Variants in PRDM16 observed in about 807,000 individuals in gnomAD.
PRDM16 encodes the protein histone-lysine N-methyltransferase PRDM16.
A neutral mutation model predicts 110.6 loss-of-function variants in PRDM16; 23 were observed. The observed-to-expected ratio is 0.21, with a 90% CI of 0.15 to 0.29. The LOEUF is 0.29. Ranked by LOEUF, PRDM16 falls within the 10% of genes least tolerant of loss-of-function variation. PRDM16 has a pLI of 1.00. For missense variants in PRDM16, 1,615 were observed against 1,794.3 expected, an observed-to-expected ratio of 0.90 and a Z score of 1.81; for synonymous variants, 799 against 781.8, an observed-to-expected ratio of 1.02 and a Z score of -0.37.
intron 1 of PRDM16, among the ~76,000 whole-genome samples, chr1:3,096,630 A>G (rs1642406301): frequency 6.6e-6 from 1 of 151,908 alleles, no homozygotes; most frequent in Non-Finnish European, 1.5e-5. Flanking sequence ...GTCGTGAGGG[A>G]GGGACGCCAG....
chr1:3,181,131 T>TAC (rs1367115623), intron 1 of PRDM16, among the ~76,000 whole-genome samples: 19 of 119,232 alleles, frequency 1.6e-4, no homozygotes, highest in South Asian at 3.3e-4. Context: ...CACGCAGTCT[T>TAC]ACACGCGGTC....
chr1:3,398,273 A>T (rs1643416730), intron 5 of PRDM16, among the ~76,000 whole-genome samples: 2 of 152,114 alleles, frequency 1.3e-5, no homozygotes, highest in Non-Finnish European at 2.9e-5. Flanking sequence ...CCCTGATATT[A>T]AATAACCTGG....
intron 1 of PRDM16, among the ~76,000 whole-genome samples, chr1:3,125,895 C>A (rs923017918): frequency 9.9e-5 from 15 of 152,206 alleles, no homozygotes; most frequent in Non-Finnish European, 1.9e-4. Flanking sequence ...ATTGCTGTCA[C>A]GGGGCTGTTA....
intron 12 of PRDM16, among the ~76,000 whole-genome samples, chr1:3,423,335 C>T (rs1054257660): frequency 6.6e-6 from 1 of 152,204 alleles, no homozygotes; most frequent in Non-Finnish European, 1.5e-5. Flanking sequence ...GAATGCTGAG[C>T]TCCTGGGCCC....
chr1:3,274,642 C>T (rs1270051492), intron 3 of PRDM16, among the ~76,000 whole-genome samples: 3 of 152,232 alleles, frequency 2.0e-5, no homozygotes, highest in Non-Finnish European at 2.9e-5. Flanking sequence ...GGCTCTGTCA[C>T]GTCGGCTCCT....
In PRDM16 at chr1:3,370,474, A is replaced by G. The variant is rs1642886433; in HGVS notation, c.439-14678A>G. 1.3e-5 allele frequency among the ~76,000 whole-genome samples: 2 copies of G among 152,130 alleles called. No individual in the cohort carries two copies. The highest frequency in any genetic ancestry group is 4.1e-4 in the South Asian group (2 of 4,824). On this transcript the variant is annotated intron_variant, in intron 3 of 16. Coordinates refer to ENST00000270722, the MANE Select transcript of PRDM16 (RefSeq NM_022114.4). This position sits in a 1 kb window ranked among gnomAD's most constrained non-coding sequence, Gnocchi z 4.8. ...TCATTTGTTCCCCAAGCATGCATTG[A>G]GCACTCATGGTTTGCCTGGCTCTGG...
At chr1:3,348,371 TG>T (rs1570113241) in intron 3 of PRDM16, among the ~76,000 whole-genome samples, 1 of 152,334 alleles carries the variant, frequency 6.6e-6, no homozygotes, top group East Asian at 1.9e-4. Flanking sequence ...AGTATTCGTG[TG>T]CTAGGGCCCA....
chr1:3,411,652 C>T lies in PRDM16; in HGVS notation c.1455C>T (p.Phe485=), dbSNP rs759286734. The change falls in exon 9 of 17, where the codon TTC becomes TTT. Residue 485 remains phenylalanine (F), a synonymous_variant. Transcript: ENST00000270722. ...SPSLNHASLG[F]NEYFPSRPHP... is the part of the protein sequence containing the mutation. ...GCCTCAATCACGCCAGCCTGGGCTT[C>T]AACGAGTACTTTCCCTCCAGGCCGC... The T allele has an allele frequency of 1.2e-6, 2 of 1,613,542 alleles. No homozygotes were observed. The highest frequency in any genetic ancestry group is 1.7e-6 in the Non-Finnish European group (2 of 1,179,622).
At chr1:3,300,153 C>T (rs374008214) in intron 3 of PRDM16, among the ~76,000 whole-genome samples, 137 of 70,296 alleles carry the variant, frequency 1.9e-3, no homozygotes, top group East Asian at 7.6e-3. Context: ...ATGCTGTGGC[C>T]GTGATGTTTC....
chr1:3,200,518 A>G (rs1268817371), intron 2 of PRDM16, among the ~76,000 whole-genome samples: 2 of 151,780 alleles, frequency 1.3e-5, no homozygotes, highest in Admixed American at 6.6e-5. Flanking sequence ...AATTTTTTGT[A>G]TTTTTAGTAG....
chr1:3,356,384 C>T (rs563748636), intron 3 of PRDM16, among the ~76,000 whole-genome samples: 3 of 152,278 alleles, frequency 2.0e-5, no homozygotes, highest in East Asian at 3.9e-4. Flanking sequence ...TCTCATCAGG[C>T]GGAGGGAGGT....
At chr1:3,095,323 A>ACAAGGCC (rs1557442056) in intron 1 of PRDM16, among the ~76,000 whole-genome samples, 1 of 151,256 alleles carries the variant, frequency 6.6e-6, no homozygotes, top group African/African-American at 2.5e-5. Flanking sequence ...AAAGTGGAGT[A>ACAAGGCC]GCAAACAACT....
intron 1 of PRDM16, among the ~76,000 whole-genome samples, chr1:3,170,732 T>G (rs935256948): frequency 6.6e-6 from 1 of 151,996 alleles, no homozygotes; most frequent in Non-Finnish European, 1.5e-5. Flanking sequence ...CACCCACCAT[T>G]GGCAACAAAG....
At chr1:3,293,866 C>T (rs940095649) in intron 3 of PRDM16, among the ~76,000 whole-genome samples, 16 of 152,160 alleles carry the variant, frequency 1.1e-4, no homozygotes, top group South Asian at 2.1e-4. Context: ...GGCCCGGCCC[C>T]GGCAGGTGTC....
intron 3 of PRDM16, among the ~76,000 whole-genome samples, chr1:3,284,047 G>T (rs921094566): frequency 2.6e-5 from 4 of 152,200 alleles, no homozygotes; most frequent in African/African-American, 9.7e-5. Flanking sequence ...GCGGGCCTGG[G>T]GGGGCCTGGA....
chr1:3,148,414 C>G lies in PRDM16; in HGVS notation c.38-37711C>G, dbSNP rs1021764726. 9.9e-5 allele frequency among the ~76,000 whole-genome samples: 15 copies of G among 152,158 alleles called. 1 individual carries two copies. In the South Asian group the frequency reaches 1.0e-3, roughly 11 times the overall value. On this transcript the variant is annotated intron_variant, in intron 1 of 16. Transcript: ENST00000270722. The surrounding 1 kb of genome is among the most constrained non-coding windows in gnomAD (Gnocchi z 5.0). ...TGGCCAGAGGTGAGGAAGGAGCTGT[C>G]CGGCAGGGCTGGGCTGGGCTGGGTG...
chr1:3,238,626 A>ACCGCCTTTCAC (rs1553151172), intron 2 of PRDM16, among the ~76,000 whole-genome samples: 1 of 152,206 alleles, frequency 6.6e-6, no homozygotes, highest in Non-Finnish European at 1.5e-5. Context: ...CCGGCGACTA[A>ACCGCCTTTCAC]CCGCCTTTCA....
At chr1:3,326,341 C>G (rs1641909480) in intron 3 of PRDM16, among the ~76,000 whole-genome samples, 1 of 152,206 alleles carries the variant, frequency 6.6e-6, no homozygotes, top group Non-Finnish European at 1.5e-5. Context: ...TTCCATGTGA[C>G]CTTATGTCAA....
chr1:3,189,506 C>T (rs1638244818), intron 2 of PRDM16, among the ~76,000 whole-genome samples: 1 of 152,242 alleles, frequency 6.6e-6, no homozygotes, highest in South Asian at 2.1e-4. Flanking sequence ...GCGTGCGTGT[C>T]GTCTCTGATG....
Sources: gnomAD v4.1 joint callset for allele counts (sites outside exome capture counted in the v4.1 genomes callset) on GRCh38, gnomAD v4.1.1 for gene constraint, Gnocchi (gnomAD v3.1) non-coding constraint, MANE v1.5 for transcripts, NCBI Gene and HGNC (gene_info 2026-07-23, HGNC 2026-07-21) for gene names.